Variants in VPS13B observed in about 807,000 individuals in gnomAD.
The protein encoded by VPS13B is vacuolar protein sorting 13 homolog B, also known as intermembrane lipid transfer protein VPS13B.
Under a neutral mutation model 426.4 loss-of-function variants are expected in VPS13B, and 285 were observed. The observed-to-expected ratio is 0.67, with a 90% CI of 0.61 to 0.74. The LOEUF is 0.74. Among genes scored for constraint, VPS13B ranks in the 30% least tolerant of loss-of-function variants. The pLI is 0.00. For synonymous variants in VPS13B, 1,676 were observed against 1,676.4 expected, an observed-to-expected ratio of 1.00 and a Z score of 0.01; for missense variants, 4,537 against 4,782.6, an observed-to-expected ratio of 0.95 and a Z score of 1.51.
At chr8:99,563,871 G>A (rs990379474) in intron 31 of VPS13B, among the ~76,000 whole-genome samples, 1 of 152,192 alleles carries the variant, frequency 6.6e-6, no homozygotes, top group Non-Finnish European at 1.5e-5. Flanking sequence ...TAGATCTGTT[G>A]TAGCTTAGTT....
At chr8:99,386,106 G>C (rs866480131) in intron 20 of VPS13B, among the ~76,000 whole-genome samples, 2 of 152,264 alleles carry the variant, frequency 1.3e-5, no homozygotes, top group African/African-American at 4.8e-5. Context: ...GCAGTAACCA[G>C]TTGGGAATAA....
At chr8:99,248,940 T>C (rs1817363601) in intron 17 of VPS13B, among the ~76,000 whole-genome samples, 1 of 152,178 alleles carries the variant, frequency 6.6e-6, no homozygotes, top group South Asian at 2.1e-4. Flanking sequence ...TTCAGTGGCA[T>C]TTAGTGCATT....
intron 17 of VPS13B, among the ~76,000 whole-genome samples, chr8:99,234,732 A>C (rs927045124): frequency 1.3e-5 from 2 of 152,252 alleles, no homozygotes; most frequent in Non-Finnish European, 2.9e-5. Flanking sequence ...TCTTTGTATA[A>C]TTTATAAAAT....
intron 35 of VPS13B, chr8:99,697,239 G>A: frequency 5.2e-6 from 3 of 577,126 alleles, no homozygotes; most frequent in South Asian, 1.9e-5. Context: ...CACGCTGCAG[G>A]AGGAGGCAGC....
intron 3 of VPS13B, among the ~76,000 whole-genome samples, chr8:99,068,576 A>C (rs1467732622): frequency 6.6e-6 from 1 of 152,180 alleles, no homozygotes; most frequent in Non-Finnish European, 1.5e-5. Flanking sequence ...TGCTATAGAG[A>C]ACTACCTCAG....
rs1363492816 is a variant in VPS13B at position 99,232,121 on chromosome 8, G to A, written c.2515+39064G>A. 3.9e-5 allele frequency among the ~76,000 whole-genome samples: 6 copies of A among 152,184 alleles called. No homozygotes were observed. In the East Asian group the frequency reaches 1.2e-3, roughly 29 times the overall value. On this transcript the variant is annotated intron_variant, in intron 17 of 61. Coordinates refer to ENST00000357162, the MANE Select transcript of VPS13B (RefSeq NM_152564.5). ...CTGCTTTCCTTGGGCGGGGGCGAGGGTGGTGTTGCGTAGATATGGGATTGA... is the reference window on the plus strand; with the variant it reads ...CTGCTTTCCTTGGGCGGGGGCGAGGATGGTGTTGCGTAGATATGGGATTGA...
intron 5 of VPS13B, among the ~76,000 whole-genome samples, chr8:99,107,885 G>T (rs1847127978): frequency 6.6e-6 from 1 of 152,158 alleles, no homozygotes; most frequent in Non-Finnish European, 1.5e-5. Context: ...ACATGTGCAG[G>T]TCTGTTACTT....
intron 39 of VPS13B, among the ~76,000 whole-genome samples, chr8:99,742,514 C>G (rs577106866): frequency 6.6e-6 from 1 of 152,270 alleles, no homozygotes; most frequent in East Asian, 1.9e-4. Flanking sequence ...CTGGCAGAGA[C>G]ACAACCAAAA....
intron 19 of VPS13B, chr8:99,346,951 TC>T (rs1225966781): frequency 6.5e-6 from 1 of 152,758 alleles, no homozygotes; most frequent in East Asian, 1.9e-4. Context: ...TTGTGGCCTG[TC>T]AAGTTCCTCT....
At chr8:99,390,097 T>G (rs542225392) in intron 20 of VPS13B, among the ~76,000 whole-genome samples, 13 of 151,926 alleles carry the variant, frequency 8.6e-5, no homozygotes, top group Admixed American at 8.5e-4. Flanking sequence ...TTTCTCATTT[T>G]AAATTTTTTT....
At chr8:99,413,368 G>C (rs1815804800) in intron 21 of VPS13B, among the ~76,000 whole-genome samples, 1 of 152,144 alleles carries the variant, frequency 6.6e-6, no homozygotes, top group Non-Finnish European at 1.5e-5. Flanking sequence ...AGTATTCTCT[G>C]ATGGTAGTTT....
At chr8:99,187,503 T>C (rs951659018) in intron 16 of VPS13B, among the ~76,000 whole-genome samples, 1 of 152,242 alleles carries the variant, frequency 6.6e-6, no homozygotes, top group Non-Finnish European at 1.5e-5. Context: ...ATTTATTTTC[T>C]GGTCCATTCA....
At chr8:99,492,224 T>C (rs897580606) in intron 25 of VPS13B, among the ~76,000 whole-genome samples, 1 of 152,232 alleles carries the variant, frequency 6.6e-6, no homozygotes, top group Non-Finnish European at 1.5e-5. Flanking sequence ...GCTGCCTGAT[T>C]CTTCCTCTGG....
chr8:99,442,428 A>T lies in VPS13B; in HGVS notation c.3238A>T (p.Ile1080Phe). Residue 1080 changes from isoleucine (I) to phenylalanine (F), a missense_variant, in exon 23 of 62, where the codon ATT (isoleucine) becomes TTT (phenylalanine). Ile to Phe is a conservative substitution (Grantham distance 21). Transcript: ENST00000357162. ...QLEVQSCCVF[I>F]PNDSLPSPST... Reference sequence around the variant, plus strand: ...TGAAGTACAATCTTGTTGTGTGTTTATTCCAAATGATAGCCTGCCTTCCCC... The same window carrying T: ...TGAAGTACAATCTTGTTGTGTGTTTTTTCCAAATGATAGCCTGCCTTCCCC... 1 of 1,613,886 alleles carries T rather than the reference A, an allele frequency of 6.2e-7. No individual in the cohort carries two copies. Among genetic ancestry groups the T allele is most frequent in the Non-Finnish European group, 8.5e-7 (1 of 1,179,828 alleles).
intron 19 of VPS13B, among the ~76,000 whole-genome samples, chr8:99,288,419 A>G (rs1239464312): frequency 2.6e-5 from 4 of 152,002 alleles, no homozygotes; most frequent in Non-Finnish European, 5.9e-5. Context: ...TTATTTAGAG[A>G]GAATTATGGT....
In VPS13B at chr8:99,606,619, TTTTTCTTTTC is replaced by T. The variant is rs1194798256; in HGVS notation, c.5220+28991_5220+29000del. ...TTCCTTGCCTTTTGTTTTCTTTTTC[TTTTTCTTTTC>T]TTTTTTTTTTTTTTTTTGAGACGGA... On this transcript the variant is annotated intron_variant, in intron 33 of 61. Transcript: ENST00000357162. 2.7e-5 allele frequency among the ~76,000 whole-genome samples: 4 copies of T among 148,604 alleles called. No homozygotes were observed. The East Asian group carries it at 8.4e-4, about 31-fold the overall frequency.
chr8:99,305,523 G>A (rs1266282848), intron 19 of VPS13B, among the ~76,000 whole-genome samples: 1 of 152,028 alleles, frequency 6.6e-6, no homozygotes, highest in Non-Finnish European at 1.5e-5. Context: ...CCCAGATACT[G>A]AGGGATTACT....
intron 35 of VPS13B, among the ~76,000 whole-genome samples, chr8:99,692,532 G>T (rs1461520675): frequency 6.8e-6 from 1 of 147,660 alleles, no homozygotes; most frequent in African/African-American, 2.6e-5. Flanking sequence ...TCTCTGGGAC[G>T]CATTCAAAGC....
intron 21 of VPS13B, among the ~76,000 whole-genome samples, chr8:99,407,341 GA>G (rs748532831): frequency 1.3e-5 from 2 of 152,124 alleles, no homozygotes; most frequent in Non-Finnish European, 2.9e-5. Flanking sequence ...TTAGGATCAT[GA>G]ATGATAATAG....
Sources: gnomAD v4.1 joint callset for allele counts (sites outside exome capture counted in the v4.1 genomes callset) on GRCh38, gnomAD v4.1.1 for gene constraint, MANE v1.5 for transcripts, NCBI Gene and HGNC (gene_info 2026-07-23, HGNC 2026-07-21) for gene names.